Variants in THSD7B observed in about 807,000 individuals in gnomAD.
The protein encoded by THSD7B is thrombospondin type-1 domain-containing protein 7B.
In THSD7B, 138 loss-of-function variants were observed where a neutral mutation model predicts 213.6. The ratio of observed to expected loss-of-function variants is 0.65; its 90% CI spans 0.56 to 0.74. THSD7B has a LOEUF of 0.74. Among genes scored for constraint, THSD7B ranks in the 30% least tolerant of loss-of-function variants. The pLI is 0.00. For missense variants in THSD7B, 1,931 were observed against 1,991.5 expected, an observed-to-expected ratio of 0.97 and a Z score of 0.58; for synonymous variants, 742 against 687.0, an observed-to-expected ratio of 1.08 and a Z score of -1.25.
At chr2:136,857,298 T>G (rs1016132306) in intron 1 of THSD7B, among the ~76,000 whole-genome samples, 7 of 152,196 alleles carry the variant, frequency 4.6e-5, no homozygotes, top group African/African-American at 1.7e-4. Flanking sequence ...ACACTGGGCA[T>G]GGCCACCCTG....
At chr2:137,111,469 T>G (rs1287714897) in intron 4 of THSD7B, among the ~76,000 whole-genome samples, 1 of 152,220 alleles carries the variant, frequency 6.6e-6, no homozygotes, top group Non-Finnish European at 1.5e-5. Context: ...AGGTAAACCT[T>G]GCTTTGAACC....
At chr2:137,524,254 C>A (rs1309271376) in intron 15 of THSD7B, among the ~76,000 whole-genome samples, 1 of 151,994 alleles carries the variant, frequency 6.6e-6, no homozygotes, top group African/African-American at 2.4e-5. Context: ...TTGCCGTTAG[C>A]CTCCCCAAGC....
intron 17 of THSD7B, among the ~76,000 whole-genome samples, chr2:137,605,493 T>C (rs983559050): frequency 6.6e-6 from 1 of 151,882 alleles, no homozygotes; most frequent in Non-Finnish European, 1.5e-5. Flanking sequence ...ACAGGTATTA[T>C]GGTAGACATC....
chr2:137,322,136 C>A (rs1478076835), intron 12 of THSD7B, among the ~76,000 whole-genome samples: 3 of 152,164 alleles, frequency 2.0e-5, no homozygotes, highest in Non-Finnish European at 4.4e-5. Context: ...CTTAAAAAGT[C>A]ATTTGCTCAT....
intron 15 of THSD7B, among the ~76,000 whole-genome samples, chr2:137,536,738 T>C (rs1467039433): frequency 6.6e-6 from 1 of 151,668 alleles, no homozygotes; most frequent in African/African-American, 2.4e-5. Context: ...TAGCACATCA[T>C]AATACATTCA....
At position 137,433,926 on chromosome 2, in the gene THSD7B, A is replaced by C. The variant is rs374863825; in HGVS notation, c.2960-16919A>C. ...AATGCAGAACTGCACTTTTACCTGT[A>C]TTCCTTTTTATATTCTTAGTTGCTC... On this transcript the variant is annotated intron_variant, in intron 14 of 27. Coordinates refer to ENST00000409968, the MANE Select transcript of THSD7B (RefSeq NM_001316349.2). Among the ~76,000 whole-genome samples the C allele has an allele frequency of 3.9e-5, 6 of 152,222 alleles. No individual in the cohort carries two copies. The South Asian group carries it at 6.2e-4, about 16-fold the overall frequency.
chr2:137,246,540 G>A (rs1361024243), intron 10 of THSD7B, among the ~76,000 whole-genome samples: 4 of 152,128 alleles, frequency 2.6e-5, no homozygotes, highest in African/African-American at 9.7e-5. Flanking sequence ...CTTGATTCAA[G>A]AGCTAAAACC....
chr2:137,437,642 AG>A (rs1203966823), intron 14 of THSD7B, among the ~76,000 whole-genome samples: 3 of 152,156 alleles, frequency 2.0e-5, no homozygotes, highest in African/African-American at 7.2e-5. Flanking sequence ...ATAGGAGCAA[AG>A]GAGGGAACAC....
chr2:136,786,715 T>C (rs1681857465), intron 1 of THSD7B, among the ~76,000 whole-genome samples: 1 of 152,186 alleles, frequency 6.6e-6, no homozygotes, highest in South Asian at 2.1e-4. Flanking sequence ...ACGATGACAC[T>C]GGTATTTCCA....
chr2:137,190,675 C>T (rs1680639677), intron 7 of THSD7B, among the ~76,000 whole-genome samples: 1 of 152,132 alleles, frequency 6.6e-6, no homozygotes, highest in African/African-American at 2.4e-5. Flanking sequence ...GAACCAGAAT[C>T]CCCTGGGGCT....
intron 2 of THSD7B, among the ~76,000 whole-genome samples, chr2:136,977,999 A>G (rs535338519): frequency 2.6e-5 from 4 of 152,020 alleles, no homozygotes; most frequent in Non-Finnish European, 4.4e-5. Flanking sequence ...AGGTTTCACA[A>G]TGTTGGCCAG....
intron 15 of THSD7B, among the ~76,000 whole-genome samples, chr2:137,497,433 A>G (rs746883480): frequency 4.1e-4 from 62 of 152,084 alleles, no homozygotes; most frequent in Admixed American, 1.3e-3. Flanking sequence ...CCTGAAATCT[A>G]TATTATCTAT....
At chr2:136,784,563 A>G (rs962553928) in intron 1 of THSD7B, among the ~76,000 whole-genome samples, 3 of 72,330 alleles carry the variant, frequency 4.1e-5, no homozygotes, top group Non-Finnish European at 8.2e-5. Flanking sequence ...TTATTCCTTC[A>G]TGAAGGATTA....
intron 12 of THSD7B, among the ~76,000 whole-genome samples, chr2:137,279,348 C>A (rs1682944328): frequency 6.6e-6 from 1 of 151,886 alleles, no homozygotes; most frequent in Admixed American, 6.6e-5. Flanking sequence ...CCAGCCTGGA[C>A]AATATAACGA....
At chr2:136,800,772 CAGAGAGAGAGAG>C (rs146528799) in intron 1 of THSD7B, among the ~76,000 whole-genome samples, 4 of 146,772 alleles carry the variant, frequency 2.7e-5, no homozygotes, top group African/African-American at 1.0e-4. Flanking sequence ...AATGGTAAGG[CAGAGAGAGAGAG>C]AGAGAGAGAG....
intron 12 of THSD7B, among the ~76,000 whole-genome samples, chr2:137,308,848 A>G (rs1683820917): frequency 6.6e-6 from 1 of 152,126 alleles, no homozygotes; most frequent in Admixed American, 6.6e-5. Flanking sequence ...AACACTTTGC[A>G]GACATATCTT....
At chr2:137,342,658 G>A in intron 12 of THSD7B, among the ~76,000 whole-genome samples, 1 of 151,408 alleles carries the variant, frequency 6.6e-6, no homozygotes, top group Non-Finnish European at 1.5e-5. Context: ...CTCATATATG[G>A]CCTTTATTGT....
At chr2:137,415,008 A>G (rs1251950482) in intron 14 of THSD7B, among the ~76,000 whole-genome samples, 1 of 150,750 alleles carries the variant, frequency 6.6e-6, no homozygotes, top group African/African-American at 2.4e-5. Context: ...GTGAGCCAAC[A>G]TCGTGCCACT....
intron 1 of THSD7B, among the ~76,000 whole-genome samples, chr2:136,847,776 T>G (rs1573667196): frequency 6.6e-6 from 1 of 152,178 alleles, no homozygotes; most frequent in East Asian, 1.9e-4. Context: ...TCTTTTGAGA[T>G]TCTTGCCTTT....
Sources: gnomAD v4.1 joint callset for allele counts (sites outside exome capture counted in the v4.1 genomes callset) on GRCh38, gnomAD v4.1.1 for gene constraint, MANE v1.5 for transcripts, NCBI Gene and HGNC (gene_info 2026-07-23, HGNC 2026-07-21) for gene names.